The following LIAS variants were observed in gnomAD, a reference collection of about 807,000 sequenced individuals.
LIAS encodes lipoyl synthase, mitochondrial.
A neutral mutation model predicts 49.4 loss-of-function variants in LIAS; 36 were observed. The observed-to-expected ratio is 0.73, with a 90% CI of 0.56 to 0.96. The LOEUF is 0.96. LIAS is among the 40% of genes least tolerant of loss of function. The probability of loss-of-function intolerance (pLI) is 0.00; values close to 1 mark genes in which losing one functional copy is unlikely to be tolerated. For synonymous variants in LIAS, 145 were observed against 155.8 expected, an observed-to-expected ratio of 0.93 and a Z score of 0.52; for missense variants, 399 against 456.3, an observed-to-expected ratio of 0.87 and a Z score of 1.14.
At position 39,460,947 on chromosome 4, in the gene LIAS, G is replaced by A; in HGVS notation, c.203G>A (p.Arg68His). ...TWDEYKGNLKRQKGERLRLPP... is the reference protein window; with the variant it reads ...TWDEYKGNLKHQKGERLRLPP... ...GATGAATATAAAGGAAACCTAAAAC[G>A]CCAGAAAGGAGAAAGGTAATTGAAA... is the stretch of plus-strand genomic sequence containing the variant. The change falls in exon 2 of 11, where the codon CGC (arginine) becomes CAC (histidine). Residue 68 changes from arginine to histidine, a missense_variant. Arg to His is a conservative substitution (Grantham distance 29). This residue lies in a region of LIAS where 159 missense variants were observed against 147.6 expected (regional missense o/e 1.08). Coordinates refer to ENST00000640888, the MANE Select transcript of LIAS (RefSeq NM_006859.4). 4 of 1,590,498 alleles carry A rather than the reference G, an allele frequency of 2.5e-6. No homozygotes were observed. Among genetic ancestry groups the A allele is most frequent in the East Asian group, 2.2e-5 (1 of 44,682 alleles).
rs575586178 is a variant in LIAS, at chr4:39,459,190, C to T, written c.45+28C>T. On this transcript the variant is annotated intron_variant, in intron 1 of 10. Transcript: ENST00000640888. ...GAGCGGCGGGGCGAACGGGTTTGGG[C>T]GTGGGGTGGGGGGATCCTATCCCTT... 5.6e-6 allele frequency: 9 copies of T among 1,605,970 alleles called. No homozygotes were observed. Among genetic ancestry groups the T allele is most frequent in the African/African-American group, 2.7e-5 (2 of 74,958 alleles).
intron 10 of LIAS, 39 bp downstream of exon 10, chr4:39,473,250 T>A (rs758016261): frequency 7.1e-5 from 87 of 1,225,092 alleles, no homozygotes; most frequent in Non-Finnish European, 1.0e-4. Context: ...TTTAGGCCGT[T>A]AACTTTCCAC....
Position 39,465,098 on chromosome 4 carries a change from C to T in LIAS, c.446C>T (p.Ala149Val). 1 of 1,614,166 alleles carries T rather than the reference C, an allele frequency of 6.2e-7. No individual in the cohort carries two copies. The highest frequency in any genetic ancestry group is 8.5e-7 in the Non-Finnish European group (1 of 1,180,020). ...TGCAGATTTTGTTCTGTTAAGACTG[C>T]AAGAAATCCTCCTCCACTGGATGCC... ...RGCRFCSVKT[A>V]RNPPPLDASE... The change falls in exon 5 of 11, where the codon GCA (alanine) becomes GTA (valine). Residue 149 changes from alanine (A) to valine (V), a missense_variant. Coordinates refer to ENST00000640888, the MANE Select transcript of LIAS (RefSeq NM_006859.4).
chr4:39,467,489 T>C (rs1018002237), intron 6 of LIAS, 29 bp from the exon 7 acceptor site: 13 of 1,551,142 alleles, frequency 8.4e-6, no homozygotes, highest in Middle Eastern at 1.7e-4. Flanking sequence ...TCTTTCTCTC[T>C]GTTTGATAAT....
chr4:39,470,243 C>A, intron 8 of LIAS, 79 bp downstream of exon 8: 1 of 1,257,160 alleles, frequency 8.0e-7, no homozygotes, highest in Non-Finnish European at 1.1e-6. Flanking sequence ...GAAGGCCCTT[C>A]TAAGAACAAA....
intron 3 of LIAS, among the ~76,000 whole-genome samples, chr4:39,463,257 G>A (rs1472452808): frequency 6.6e-6 from 1 of 151,964 alleles, no homozygotes; most frequent in Non-Finnish European, 1.5e-5. Context: ...GACTAACTTT[G>A]ATTTTTTGTA....
Position 39,462,214 on chromosome 4 carries a change from G to T in LIAS, c.237G>T (p.Trp79Cys). 6.4e-7 allele frequency: 1 copy of T among 1,553,446 alleles called. No homozygotes were observed. Among genetic ancestry groups the T allele is most frequent in the Non-Finnish European group, 8.7e-7 (1 of 1,151,900 alleles). Residue 79 changes from tryptophan (W) to cysteine (C), a missense_variant, in exon 3 of 11, where the codon TGG becomes TGT. Trp to Cys is a radical substitution (Grantham distance 215). Around this residue, in one of 3 missense-constraint regions of LIAS, gnomAD observed 159 missense variants for 147.6 expected, o/e 1.08. Coordinates refer to ENST00000640888, the MANE Select transcript of LIAS (RefSeq NM_006859.4). ...TCCTTAGGTTAAGACTACCTCCATG[G>T]CTAAAGACAGAGATTCCCATGGGGA... is the stretch of plus-strand genomic sequence containing the variant. ...QKGERLRLPP[W>C]LKTEIPMGKN...
chr4:39,459,159 C>A lies in LIAS; in HGVS notation c.42C>A (p.Pro14=). The part of the protein sequence containing the change: ...RCGDAARTLG[P]RVFGRYFCSP... ...GGGATGCAGCCCGCACCCTGGGGCCCCGGGTGAGCGGCGGGGCGAACGGGT... is the reference window on the plus strand; with the variant it reads ...GGGATGCAGCCCGCACCCTGGGGCCACGGGTGAGCGGCGGGGCGAACGGGT... The change falls in exon 1 of 11, where the codon CCC becomes CCA. Residue 14 remains proline (P), a synonymous_variant. Transcript: ENST00000640888. 6.2e-7 allele frequency: 1 copy of A among 1,613,070 alleles called. No homozygotes were observed. Among genetic ancestry groups the A allele is most frequent in the South Asian group, 1.1e-5 (1 of 91,080 alleles).
At chr4:39,473,883 C>T (rs1171999666) in intron 10 of LIAS, 1 of 152,014 alleles carries the variant, frequency 6.6e-6, no homozygotes, top group Non-Finnish European at 1.5e-5. Flanking sequence ...GTCGGAGGAT[C>T]CAAAAGAACA....
At chr4:39,461,612 C>G (rs1578233099) in intron 2 of LIAS, among the ~76,000 whole-genome samples, 1 of 152,288 alleles carries the variant, frequency 6.6e-6, no homozygotes, top group East Asian at 1.9e-4. Context: ...TGCTCATTCT[C>G]TTATTAGAAT....
Position 39,467,686 on chromosome 4 carries a change from G to A in LIAS, c.737+40G>A, listed in dbSNP as rs757696600. 4.1e-6 allele frequency: 6 copies of A among 1,454,428 alleles called. No homozygotes were observed. In the South Asian group the frequency reaches 7.6e-5, roughly 18 times the overall value. 90.1% of individuals were successfully genotyped at this position (1,454,428 alleles called of 1,614,324 possible). Reference sequence around the variant, plus strand: ...AAAGTAATGTTGGGAAGTTAGGCGGGTCAAAATATGCCATATATTCTTGCC... The same window carrying A: ...AAAGTAATGTTGGGAAGTTAGGCGGATCAAAATATGCCATATATTCTTGCC... On this transcript the variant is annotated intron_variant, in intron 7 of 10. Coordinates refer to ENST00000640888, the MANE Select transcript of LIAS (RefSeq NM_006859.4).
Position 39,474,932 on chromosome 4 carries a change from G to C in LIAS, c.1066+1721G>C, listed in dbSNP as rs1237708312. On this transcript the variant is annotated intron_variant, in intron 10 of 10. Transcript: ENST00000640888. ...TTAAAAATAAACTAGGTATTGGCCAGGCGTGGTGGCTAATGCCTGAAATCC... is the reference window on the plus strand; with the variant it reads ...TTAAAAATAAACTAGGTATTGGCCACGCGTGGTGGCTAATGCCTGAAATCC... 2.0e-5 allele frequency: 3 copies of C among 152,190 alleles called. No homozygotes were observed. In the East Asian group the frequency reaches 5.8e-4, roughly 30 times the overall value. 9.4% of individuals were successfully genotyped at this position (152,190 alleles called of 1,614,324 possible).
chr4:39,459,497 T>C (rs188790768), intron 1 of LIAS, among the ~76,000 whole-genome samples: 4 of 152,322 alleles, frequency 2.6e-5, no homozygotes, highest in Admixed American at 2.0e-4. Context: ...GACACCACTC[T>C]AGCCGCAGAG....
intron 7 of LIAS, chr4:39,469,472 G>A (rs1468191920): frequency 6.6e-6 from 1 of 152,356 alleles, no homozygotes; most frequent in African/African-American, 2.4e-5. Context: ...GACACAGCCT[G>A]TTCCAACCTC....
intron 1 of LIAS, chr4:39,459,373 G>A (rs561749905): frequency 4.9e-6 from 3 of 606,556 alleles, no homozygotes; most frequent in East Asian, 2.8e-5. Flanking sequence ...AAGTCTCTCT[G>A]GGCCAGCACC....
intron 4 of LIAS, 197 bp downstream of exon 4, chr4:39,463,802 A>G: frequency 8.9e-7 from 1 of 1,124,146 alleles, no homozygotes; most frequent in Middle Eastern, 3.3e-4. Context: ...TAAATCTATT[A>G]TTGGTTCTTT....
At chr4:39,470,204 T>C (rs750953457) in intron 8 of LIAS, 40 bp downstream of exon 8, 3 of 1,565,322 alleles carry the variant, frequency 1.9e-6, no homozygotes, top group Non-Finnish European at 1.7e-6. Flanking sequence ...CCCATGTAAT[T>C]TGAGTAATAG....
Sources: gnomAD v4.1 joint callset for allele counts (sites outside exome capture counted in the v4.1 genomes callset) on GRCh38, gnomAD v4.1.1 for gene constraint, gnomAD v4.1.1 regional missense constraint, MANE v1.5 for transcripts, NCBI Gene and HGNC (gene_info 2026-07-23, HGNC 2026-07-21) for gene names.